B3GALT1: variants seen among roughly 807,000 people sequenced by gnomAD.
B3GALT1 encodes beta-1,3-galactosyltransferase 1.
B3GALT1 carries 10 observed loss-of-function variants against 23.2 expected under a neutral mutation model. The ratio of observed to expected loss-of-function variants is 0.43; its 90% CI spans 0.27 to 0.73. The LOEUF (loss-of-function observed/expected upper bound fraction) is 0.73, where lower values mean the gene tolerates loss of function less well. Ranked by LOEUF, B3GALT1 falls within the 30% of genes least tolerant of loss-of-function variation. The pLI is 0.21. For missense variants in B3GALT1, 299 were observed against 405.4 expected, an observed-to-expected ratio of 0.74 and a Z score of 2.25; for synonymous variants, 156 against 141.5, an observed-to-expected ratio of 1.10 and a Z score of -0.73.
intron 4 of B3GALT1, among the ~76,000 whole-genome samples, chr2:167,833,458 C>G (rs1180145055): frequency 6.6e-6 from 1 of 152,104 alleles, no homozygotes; most frequent in Non-Finnish European, 1.5e-5. Context: ...AAATTCAATT[C>G]CTTAAGATTC....
chr2:167,641,333 T>C (rs1685649691), intron 2 of B3GALT1, among the ~76,000 whole-genome samples: 1 of 152,174 alleles, frequency 6.6e-6, no homozygotes, highest in African/African-American at 2.4e-5. Context: ...GCTTCACTGC[T>C]CTACTGAAAC....
chr2:167,557,893 T>C (rs1181231563), intron 2 of B3GALT1, among the ~76,000 whole-genome samples: 2 of 152,208 alleles, frequency 1.3e-5, no homozygotes, highest in East Asian at 1.9e-4. Context: ...ATATTCAGTC[T>C]AAACCTTTGC....
intron 2 of B3GALT1, among the ~76,000 whole-genome samples, chr2:167,564,575 C>G (rs943391862): frequency 6.6e-6 from 1 of 152,214 alleles, no homozygotes; most frequent in Non-Finnish European, 1.5e-5. Flanking sequence ...TGGGCACCAC[C>G]GAGCACCGAG....
Position 167,374,450 on chromosome 2 carries a change from C to T in B3GALT1, c.-511+81116C>T, listed in dbSNP as rs114690200. Among the ~76,000 whole-genome samples the T allele has an allele frequency of 8.8e-3, 1,343 of 152,288 alleles. 16 individuals are homozygous for T. The highest frequency in any genetic ancestry group is 0.05 in the East Asian group (259 of 5,184). On this transcript the variant is annotated intron_variant, in intron 1 of 4. Transcript: ENST00000392690. ...TGATAAATCTTCAAACTGCTTTCTA[C>T]AGTGGCTGAACTACTTTACATTCCC...
At chr2:167,557,311 T>C (rs991571832) in intron 2 of B3GALT1, among the ~76,000 whole-genome samples, 6 of 152,140 alleles carry the variant, frequency 3.9e-5, no homozygotes, top group Non-Finnish European at 7.4e-5. Flanking sequence ...TGTCACCTTT[T>C]CTAATAAAAA....
chr2:167,447,246 G>C (rs185449745), intron 1 of B3GALT1, among the ~76,000 whole-genome samples: 1 of 152,174 alleles, frequency 6.6e-6, no homozygotes, highest in Non-Finnish European at 1.5e-5. Flanking sequence ...GGGGCACCTG[G>C]CCGTGTGAGG....
At chr2:167,310,208 AT>A (rs1239520472) in intron 1 of B3GALT1, among the ~76,000 whole-genome samples, 4 of 151,218 alleles carry the variant, frequency 2.6e-5, no homozygotes, top group East Asian at 3.9e-4. Context: ...ACAATTAATG[AT>A]TTTTTTTTCA....
At chr2:167,771,727 CAT>C (rs1397243341) in intron 3 of B3GALT1, among the ~76,000 whole-genome samples, 9 of 152,232 alleles carry the variant, frequency 5.9e-5, no homozygotes, top group Non-Finnish European at 1.3e-4. Context: ...CTCAGATAGA[CAT>C]AGCCATTTTC....
chr2:167,821,431 C>CTT lies in B3GALT1; in HGVS notation c.-230+2659_-230+2660dup, dbSNP rs10573752. Reference sequence around the variant, plus strand: ...CTCATGAGATTTGACAAGGAAGGTACTTTTTTTTTTTTTTTTTTTTTTGAG... The same window carrying CTT: ...CTCATGAGATTTGACAAGGAAGGTACTTTTTTTTTTTTTTTTTTTTTTTTGAG... On this transcript the variant is annotated intron_variant, in intron 4 of 4. Transcript: ENST00000392690. 5.3e-3 allele frequency among the ~76,000 whole-genome samples: 579 copies of CTT among 108,670 alleles called. 7 individuals carry two copies. Among genetic ancestry groups the CTT allele is most frequent in the Non-Finnish European group, 7.5e-3 (428 of 56,846 alleles). 71.3% of individuals were successfully genotyped at this position (108,670 alleles called of 152,430 possible).
At chr2:167,788,774 C>A (rs75697425) in intron 3 of B3GALT1, among the ~76,000 whole-genome samples, 13,085 of 152,140 alleles carry the variant, frequency 0.086, 735 homozygotes, top group Middle Eastern at 0.21. Flanking sequence ...TGAGACCCTT[C>A]TAATGTCCCA....
chr2:167,431,228 A>G (rs140475910), intron 1 of B3GALT1, among the ~76,000 whole-genome samples: 310 of 152,326 alleles, frequency 2.0e-3, no homozygotes, highest in African/African-American at 7.1e-3. Flanking sequence ...TTCCTCAGAA[A>G]ACAATACTTA....
chr2:167,445,560 G>A, intron 1 of B3GALT1, among the ~76,000 whole-genome samples: 1 of 152,174 alleles, frequency 6.6e-6, no homozygotes, highest in Admixed American at 6.5e-5. Flanking sequence ...TGTATTGGGT[G>A]CATATATATT....
intron 3 of B3GALT1, among the ~76,000 whole-genome samples, chr2:167,699,380 A>AT (rs1169813738): frequency 0.015 from 1,465 of 100,128 alleles, 53 homozygotes; most frequent in African/African-American, 0.032. Flanking sequence ...CATTATTTCT[A>AT]TTTTTTTTTT....
At chr2:167,298,108 G>A (rs554588741) in intron 1 of B3GALT1, among the ~76,000 whole-genome samples, 27 of 152,164 alleles carry the variant, frequency 1.8e-4, no homozygotes, top group African/African-American at 6.0e-4. Context: ...ACCAACAAAT[G>A]GTTACCATAT....
chr2:167,572,920 G>T (rs2105401426), intron 2 of B3GALT1, among the ~76,000 whole-genome samples: 1 of 151,846 alleles, frequency 6.6e-6, no homozygotes, highest in Admixed American at 6.6e-5. Flanking sequence ...TAGAAATAAT[G>T]AGAGAAAGTA....
intron 4 of B3GALT1, among the ~76,000 whole-genome samples, chr2:167,848,613 T>C (rs1689809911): frequency 6.6e-6 from 1 of 152,170 alleles, no homozygotes; most frequent in South Asian, 2.1e-4. Flanking sequence ...AAAAGCCATC[T>C]ATGACAAACC....
chr2:167,841,643 C>T (rs778554602), intron 4 of B3GALT1, among the ~76,000 whole-genome samples: 1 of 152,234 alleles, frequency 6.6e-6, no homozygotes, highest in South Asian at 2.1e-4. Context: ...CAGCCTCCCC[C>T]TTCTCCTAAG....
At chr2:167,438,828 C>T (rs1698829702) in intron 1 of B3GALT1, among the ~76,000 whole-genome samples, 1 of 152,206 alleles carries the variant, frequency 6.6e-6, no homozygotes, top group African/African-American at 2.4e-5. Context: ...CTTCTCAGAA[C>T]ATTGGCAGTC....
intron 1 of B3GALT1, among the ~76,000 whole-genome samples, chr2:167,367,419 C>T (rs1229281443): frequency 6.6e-6 from 1 of 152,116 alleles, no homozygotes; most frequent in Non-Finnish European, 1.5e-5. Flanking sequence ...GTCAACATTC[C>T]CCAGAATTCT....
Sources: gnomAD v4.1 joint callset for allele counts (sites outside exome capture counted in the v4.1 genomes callset) on GRCh38, gnomAD v4.1.1 for gene constraint, MANE v1.5 for transcripts, NCBI Gene and HGNC (gene_info 2026-07-23, HGNC 2026-07-21) for gene names.